The following TPRG1 variants were observed in gnomAD, a reference collection of about 807,000 sequenced individuals.
TPRG1 encodes tumor protein p63 regulated 1.
In TPRG1, 29 loss-of-function variants were observed where a neutral mutation model predicts 29.3. The ratio of observed to expected loss-of-function variants is 0.99; its 90% CI spans 0.74 to 1.35. The LOEUF (loss-of-function observed/expected upper bound fraction) is 1.35. Ranked by LOEUF, TPRG1 falls within the 40% of genes most tolerant of loss-of-function variation. TPRG1 has a pLI of 0.00. For missense variants in TPRG1, 327 were observed against 335.0 expected, an observed-to-expected ratio of 0.98 and a Z score of 0.19; for synonymous variants, 130 against 116.8, an observed-to-expected ratio of 1.11 and a Z score of -0.73.
At chr3:189,218,771 C>T (rs1437338015) in intron 3 of TPRG1, among the ~76,000 whole-genome samples, 3 of 152,160 alleles carry the variant, frequency 2.0e-5, no homozygotes, top group East Asian at 1.9e-4. Flanking sequence ...CTCCTGCATT[C>T]GTCTTGAGGC....
intron 3 of TPRG1, among the ~76,000 whole-genome samples, chr3:189,015,458 T>G (rs749107036): frequency 3.9e-5 from 6 of 152,078 alleles, no homozygotes; most frequent in Non-Finnish European, 7.4e-5. Context: ...CTGGAAGAAA[T>G]TAAAGCTGCT....
intron 3 of TPRG1, among the ~76,000 whole-genome samples, chr3:189,009,650 A>T (rs911701440): frequency 2.6e-5 from 4 of 152,074 alleles, no homozygotes; most frequent in Admixed American, 1.3e-4. Flanking sequence ...ATGCTTTCTG[A>T]TCATTTTTTC....
At chr3:189,314,011 TGAG>T (rs1249507530) in intron 5 of TPRG1, among the ~76,000 whole-genome samples, 1 of 152,030 alleles carries the variant, frequency 6.6e-6, no homozygotes, top group African/African-American at 2.4e-5. Context: ...GGAAAGAAGA[TGAG>T]GAGATTTTGA....
intron 1 of TPRG1, among the ~76,000 whole-genome samples, chr3:189,201,147 T>G (rs1478382547): frequency 6.6e-6 from 1 of 152,162 alleles, no homozygotes; most frequent in East Asian, 1.9e-4. Flanking sequence ...CTGAGAGAAA[T>G]AAATTTCTGT....
intron 4 of TPRG1, among the ~76,000 whole-genome samples, chr3:189,028,464 G>A (rs1352891558): frequency 6.6e-6 from 1 of 152,168 alleles, no homozygotes; most frequent in Non-Finnish European, 1.5e-5. Context: ...GTGTTCCTTG[G>A]TAGTAAGTGG....
upstream of TPRG1, among the ~76,000 whole-genome samples, chr3:189,097,883 A>G (rs1329964505): frequency 6.6e-6 from 1 of 152,124 alleles, no homozygotes; most frequent in Non-Finnish European, 1.5e-5. Flanking sequence ...TTTGAGAACT[A>G]CTGATGGAAA....
chr3:189,075,003 G>A (rs1224229892), intron 4 of TPRG1, among the ~76,000 whole-genome samples: 1 of 152,042 alleles, frequency 6.6e-6, no homozygotes, highest in Non-Finnish European at 1.5e-5. Context: ...AGTAGAGACA[G>A]GGTTTCATCG....
chr3:189,143,701 C>G (rs1383546842), intron 3 of TPRG1, among the ~76,000 whole-genome samples: 2 of 152,174 alleles, frequency 1.3e-5, no homozygotes, highest in Non-Finnish European at 2.9e-5. Flanking sequence ...CCAACCCAGA[C>G]TTAGGTGTAG....
chr3:189,197,018 C>G (rs1363553321), intron 1 of TPRG1, among the ~76,000 whole-genome samples: 4 of 152,176 alleles, frequency 2.6e-5, no homozygotes, highest in Admixed American at 2.6e-4. Flanking sequence ...AATGTTTGTT[C>G]TCACTGCTGC....
chr3:189,079,271 C>T (rs1717428561), intron 4 of TPRG1, among the ~76,000 whole-genome samples: 1 of 152,158 alleles, frequency 6.6e-6, no homozygotes, highest in South Asian at 2.1e-4. Context: ...ATGACCCCGA[C>T]ACCTCCCACC....
At chr3:189,066,721 A>G (rs899493035) in intron 4 of TPRG1, among the ~76,000 whole-genome samples, 1 of 152,140 alleles carries the variant, frequency 6.6e-6, no homozygotes, top group African/African-American at 2.4e-5. Flanking sequence ...ATTATACTAA[A>G]TGGGGAAAAA....
chr3:189,111,407 A>G (rs866089494), intron 1 of TPRG1, among the ~76,000 whole-genome samples: 26 of 152,166 alleles, frequency 1.7e-4, no homozygotes, highest in African/African-American at 6.3e-4. Flanking sequence ...CCCTACTTAT[A>G]ATGGTCCAAC....
At chr3:189,155,034 A>G (rs1261762828) in intron 5 of TPRG1, among the ~76,000 whole-genome samples, 1 of 152,234 alleles carries the variant, frequency 6.6e-6, no homozygotes, top group Non-Finnish European at 1.5e-5. Context: ...CAGAGCGAAC[A>G]GCAGGTGCAA....
rs183357054 is a variant in TPRG1, at chr3:189,252,309, G to A, written c.479+13400G>A. Among the ~76,000 whole-genome samples, 203 of 152,196 alleles carry A rather than the reference G, an allele frequency of 1.3e-3. 1 individual carries two copies. The highest frequency in any genetic ancestry group is 4.4e-3 in the African/African-American group (183 of 41,536). ...TACTTCTTTCTACACAGACACAGTA[G>A]CAATCTGATCTCTCTTTCTTTTCCC... On this transcript the variant is annotated intron_variant, in intron 4 of 5. Coordinates refer to ENST00000345063, the MANE Select transcript of TPRG1 (RefSeq NM_198485.4).
chr3:189,310,686 C>T (rs1413004094), intron 5 of TPRG1, 147 bp downstream of exon 5: 4 of 419,454 alleles, frequency 9.5e-6, no homozygotes, highest in Non-Finnish European at 1.5e-5. Flanking sequence ...TTTATATAGA[C>T]AAAAACGGTA....
chr3:189,251,232 A>G (rs1742201825), intron 4 of TPRG1, among the ~76,000 whole-genome samples: 1 of 152,142 alleles, frequency 6.6e-6, no homozygotes, highest in Admixed American at 6.6e-5. Context: ...AAGTGCCAGC[A>G]TATCCATATA....
chr3:189,284,264 C>T (rs1717655276), intron 4 of TPRG1, among the ~76,000 whole-genome samples: 1 of 151,160 alleles, frequency 6.6e-6, no homozygotes, highest in South Asian at 2.1e-4. Context: ...GGTTAGTTAC[C>T]TATGTATACA....
chr3:189,224,696 C>A (rs2108877992), intron 3 of TPRG1, among the ~76,000 whole-genome samples: 1 of 152,230 alleles, frequency 6.6e-6, no homozygotes, highest in Non-Finnish European at 1.5e-5. Flanking sequence ...ATCATATTCT[C>A]TTCTGGAGTC....
At chr3:189,267,983 A>G (rs1053117821) in intron 4 of TPRG1, among the ~76,000 whole-genome samples, 5 of 152,162 alleles carry the variant, frequency 3.3e-5, no homozygotes, top group Non-Finnish European at 1.5e-5. Context: ...TGGTGTGGAA[A>G]TGAGAGGTTA....
Sources: gnomAD v4.1 joint callset for allele counts (sites outside exome capture counted in the v4.1 genomes callset) on GRCh38, gnomAD v4.1.1 for gene constraint, MANE v1.5 for transcripts, NCBI Gene and HGNC (gene_info 2026-07-23, HGNC 2026-07-21) for gene names.